The following BNIPL variants were observed in gnomAD, a reference collection of about 807,000 sequenced individuals.
BNIPL encodes the protein bcl-2/adenovirus E1B 19 kDa-interacting protein 2-like protein.
Under a neutral mutation model 47.0 loss-of-function variants are expected in BNIPL, and 33 were observed. The observed-to-expected ratio is 0.70, with a 90% CI of 0.53 to 0.94. The LOEUF is 0.94. BNIPL is among the 40% of genes least tolerant of loss of function. BNIPL has a pLI of 0.00. For synonymous variants in BNIPL, 145 were observed against 162.7 expected, an observed-to-expected ratio of 0.89 and a Z score of 0.83; for missense variants, 404 against 445.2, an observed-to-expected ratio of 0.91 and a Z score of 0.83.
chr1:151,037,665 G>T lies in BNIPL; in HGVS notation c.137+3G>T, dbSNP rs748347003. 1 of 1,586,118 alleles carries T rather than the reference G, an allele frequency of 6.3e-7. No individual in the cohort carries two copies. The highest frequency in any genetic ancestry group is 1.8e-5 in the Admixed American group (1 of 56,230). ...TGGCAGGATGAAGAATTCCCTAGGT[G>T]AGGACGTGTGAGGGTGGCTGGGAGA... On this transcript the variant is annotated splice_donor_region_variant and intron_variant, in intron 2 of 9. Transcript: ENST00000368931.
intron 2 of BNIPL, among the ~76,000 whole-genome samples, chr1:151,037,970 A>C (rs1250308857): frequency 1.5e-5 from 2 of 137,000 alleles, no homozygotes; most frequent in African/African-American, 5.8e-5. Context: ...ATTACACCCG[A>C]GCTTGGGCAA....
chr1:151,047,349 G>A lies in BNIPL; in HGVS notation c.*662G>A, dbSNP rs587686574. 6.4e-6 allele frequency: 1 copy of A among 155,230 alleles called. No homozygotes were observed. Among genetic ancestry groups the A allele is most frequent in the Non-Finnish European group, 1.4e-5 (1 of 70,258 alleles). The allele number at this position is 155,230 out of a possible 1,614,324, so 9.6% of individuals were successfully genotyped here. A position where few individuals can be genotyped will look rare whatever the true frequency, so the allele number is the denominator to read the frequency against. On this transcript the variant is annotated 3_prime_UTR_variant, in exon 10 of 10. Coordinates refer to ENST00000368931, the MANE Select transcript of BNIPL (RefSeq NM_138278.4). ...GTCCTAATTTTCCTCCTGTCTAACT[G>A]GAGGGACTGTGATCCTTCCACCTTG...
chr1:151,045,830 C>G lies in BNIPL; in HGVS notation c.885C>G (p.Val295=). 6.2e-7 allele frequency: 1 copy of G among 1,614,152 alleles called. No individual in the cohort carries two copies. The highest frequency in any genetic ancestry group is 8.5e-7 in the Non-Finnish European group (1 of 1,180,040). The change falls in exon 8 of 10, where the codon GTC becomes GTG. Residue 295 remains valine (V), a synonymous_variant. Transcript: ENST00000368931. ...AAAACCTGCGAGCCCTGGTGGTTGTCCATGCTACATGGTATGTGAAAGCAT... is the reference window on the plus strand; with the variant it reads ...AAAACCTGCGAGCCCTGGTGGTTGTGCATGCTACATGGTATGTGAAAGCAT... ...LRKNLRALVV[V]HATWYVKAFL... is the part of the protein sequence containing the mutation.
At position 151,043,739 on chromosome 1, in the gene BNIPL, G is replaced by A. The variant is rs1361779959; in HGVS notation, c.851+12G>A. On this transcript the variant is annotated intron_variant, in intron 7 of 9. Transcript: ENST00000368931. ...ACCCTGGATCGGCGGTGAGACCTGG[G>A]ATGAGAGGGCTACAACTCTCTATCT... 7 of 1,609,422 alleles carry A rather than the reference G, an allele frequency of 4.3e-6. No individual in the cohort carries two copies. The highest frequency in any genetic ancestry group is 5.9e-6 in the Non-Finnish European group (7 of 1,176,896).
intron 4 of BNIPL, 132 bp from the exon 5 acceptor site, chr1:151,042,823 GA>G (rs5777753): frequency 4.4e-3 from 2,461 of 564,860 alleles, no homozygotes; most frequent in Non-Finnish European, 5.1e-3. Context: ...CAAAAAAAAG[GA>G]AAAAAAAAAA....
At chr1:151,036,873 G>A in intron 1 of BNIPL, 107 bp downstream of exon 1, 1 of 1,137,138 alleles carries the variant, frequency 8.8e-7, no homozygotes, top group South Asian at 1.3e-5. Context: ...TCCTCAAGGA[G>A]ACAAGACTGT....
At chr1:151,044,931 A>G (rs1675953359) in intron 7 of BNIPL, 2 of 1,290,358 alleles carry the variant, frequency 1.5e-6, no homozygotes, top group Non-Finnish European at 2.0e-6. Flanking sequence ...TGCAAAAGGA[A>G]CTTACGCGAG....
Position 151,046,053 on chromosome 1 carries a change from T to C in BNIPL, c.939-14T>C. On this transcript the variant is annotated splice_polypyrimidine_tract_variant and intron_variant, in intron 8 of 9. Coordinates refer to ENST00000368931, the MANE Select transcript of BNIPL (RefSeq NM_138278.4). ...CCCAATACAAAACACAGTTGATTTA[T>C]TCTCTCTTTTCAGTTCCAAATTCAC... The C allele has an allele frequency of 6.2e-7, 1 of 1,614,200 alleles. No homozygotes were observed. The highest frequency in any genetic ancestry group is 8.5e-7 in the Non-Finnish European group (1 of 1,180,022).
Position 151,043,627 on chromosome 1 carries a change from G to C in BNIPL, c.751G>C (p.Ala251Pro). 6.2e-7 allele frequency: 1 copy of C among 1,612,150 alleles called. No individual in the cohort carries two copies. The highest frequency in any genetic ancestry group is 8.5e-7 in the Non-Finnish European group (1 of 1,178,212). Residue 251 changes from alanine to proline, a missense_variant, in exon 7 of 10, where the codon GCT becomes CCT. By Grantham distance (27) the Ala-to-Pro change is conservative (BLOSUM62 -1). Coordinates refer to ENST00000368931, the MANE Select transcript of BNIPL (RefSeq NM_138278.4). ...GGTGGGAACTCTGGAGCTGCTAGTA[G>C]CTGAAAATTACCTGCTTGTTCATTT... The part of the protein sequence containing the change: ...YMVGTLELLV[A>P]ENYLLVHLSG...
intron 7 of BNIPL, chr1:151,044,837 C>T (rs780360658): frequency 4.7e-5 from 60 of 1,289,890 alleles, no homozygotes; most frequent in Non-Finnish European, 5.6e-5. Context: ...TCTCTTCTTG[C>T]CCCCTTTCCT....
chr1:151,044,737 G>A, intron 7 of BNIPL: 1 of 1,130,904 alleles, frequency 8.8e-7, no homozygotes, highest in Non-Finnish European at 1.1e-6. Context: ...TTACAGGTGT[G>A]AGCCACTGTG....
chr1:151,047,387 T>A lies in BNIPL; in HGVS notation c.*700T>A, dbSNP rs1377350307. ...TCCTTCCACCTTGGATGGAAGAGGCTTACCTGACAGCCAGCCTGCCTGCTG... is the reference window on the plus strand; with the variant it reads ...TCCTTCCACCTTGGATGGAAGAGGCATACCTGACAGCCAGCCTGCCTGCTG... On this transcript the variant is annotated 3_prime_UTR_variant, in exon 10 of 10. Coordinates refer to ENST00000368931, the MANE Select transcript of BNIPL (RefSeq NM_138278.4). 6.2e-6 allele frequency: 1 copy of A among 160,574 alleles called. No homozygotes were observed. The highest frequency in any genetic ancestry group is 2.4e-5 in the African/African-American group (1 of 41,606). The allele number at this position is 160,574 out of a possible 1,614,324, so 9.9% of individuals were successfully genotyped here.
intron 4 of BNIPL, among the ~76,000 whole-genome samples, chr1:151,040,778 A>G (rs1675791412): frequency 1.5e-5 from 2 of 137,086 alleles, no homozygotes; most frequent in South Asian, 5.2e-4. Flanking sequence ...CTGGGCGACA[A>G]GAGCAAAACT....
chr1:151,047,644 G>A lies in BNIPL; in HGVS notation c.*957G>A. 1 of 796,236 alleles carries A rather than the reference G, an allele frequency of 1.3e-6. No individual in the cohort carries two copies. The highest frequency in any genetic ancestry group is 1.9e-6 in the Non-Finnish European group (1 of 537,042). The allele number at this position is 796,236 out of a possible 1,614,324, so 49.3% of individuals were successfully genotyped here. On this transcript the variant is annotated 3_prime_UTR_variant, in exon 10 of 10. Coordinates refer to ENST00000368931, the MANE Select transcript of BNIPL (RefSeq NM_138278.4). The stretch of plus-strand genomic sequence containing the variant: ...CCACCCCTTGCATCCCAAACCTTCG[G>A]TTCTGGCAGAGTTCTTGCCGCAGAG...
chr1:151,042,834 A>AC, intron 4 of BNIPL, 122 bp from the exon 5 acceptor site: 1 of 861,880 alleles, frequency 1.2e-6, no homozygotes, highest in Non-Finnish European at 1.7e-6. Context: ...AAAAAAAAAA[A>AC]GAATCAAGGA....
At chr1:151,036,822 A>G in intron 1 of BNIPL, 56 bp downstream of exon 1, 3 of 1,513,318 alleles carry the variant, frequency 2.0e-6, no homozygotes, top group Middle Eastern at 1.7e-4. Context: ...GTCCGGAGAG[A>G]CTTCCCCACC....
chr1:151,043,741 T>C lies in BNIPL; in HGVS notation c.851+14T>C. ...CCTGGATCGGCGGTGAGACCTGGGA[T>C]GAGAGGGCTACAACTCTCTATCTCA... On this transcript the variant is annotated intron_variant, in intron 7 of 9. Coordinates refer to ENST00000368931, the MANE Select transcript of BNIPL (RefSeq NM_138278.4). 1 of 1,608,314 alleles carries C rather than the reference T, an allele frequency of 6.2e-7. No homozygotes were observed. Among genetic ancestry groups the C allele is most frequent in the African/African-American group, 1.3e-5 (1 of 74,876 alleles).
chr1:151,047,684 C>A lies in BNIPL; in HGVS notation c.*997C>A. 1 of 1,227,630 alleles carries A rather than the reference C, an allele frequency of 8.1e-7. No homozygotes were observed. Among genetic ancestry groups the A allele is most frequent in the African/African-American group, 1.5e-5 (1 of 65,248 alleles). The allele number at this position is 1,227,630 out of a possible 1,614,324, so 76.0% of individuals were successfully genotyped here. Reference sequence around the variant, plus strand: ...TTGCCGCAGAGGTTCCTTAGGAGCACCCCGCGCGGCCCGCGCGAGCGCGCC... The same window carrying A: ...TTGCCGCAGAGGTTCCTTAGGAGCAACCCGCGCGGCCCGCGCGAGCGCGCC... On this transcript the variant is annotated 3_prime_UTR_variant, in exon 10 of 10. Coordinates refer to ENST00000368931, the MANE Select transcript of BNIPL (RefSeq NM_138278.4).
At chr1:151,042,905 C>A in intron 4 of BNIPL, 51 bp from the exon 5 acceptor site, 1 of 1,378,856 alleles carries the variant, frequency 7.3e-7, no homozygotes, top group Admixed American at 2.7e-5. Flanking sequence ...TTACAAAAAA[C>A]TGAAGGTAGG....
Sources: gnomAD v4.1 joint callset for allele counts (sites outside exome capture counted in the v4.1 genomes callset) on GRCh38, gnomAD v4.1.1 for gene constraint, MANE v1.5 for transcripts, NCBI Gene and HGNC (gene_info 2026-07-23, HGNC 2026-07-21) for gene names.